ACER2: variants seen among roughly 807,000 people sequenced by gnomAD.
ACER2 encodes alkCDase 2.
A neutral mutation model predicts 34.7 loss-of-function variants in ACER2; 26 were observed. The observed-to-expected ratio is 0.75, with a 90% CI of 0.55 to 1.04. The LOEUF is 1.04. Among genes scored for constraint, ACER2 ranks in the 50% least tolerant of loss-of-function variants. The pLI, the probability that ACER2 is intolerant of heterozygous loss-of-function variation, is 0.00. For synonymous variants in ACER2, 138 were observed against 132.1 expected (o/e 1.04, Z -0.31); for missense variants, 352 against 340.8 (o/e 1.03, Z -0.26).
intron 1 of ACER2, among the ~76,000 whole-genome samples, chr9:19,413,216 C>T (rs1039533470): frequency 2.0e-5 from 3 of 152,226 alleles, no homozygotes; most frequent in Non-Finnish European, 4.4e-5. Context: ...CATGTAATTT[C>T]CTTTCACAGC....
At chr9:19,436,598 G>A (rs2132509670) in intron 4 of ACER2, among the ~76,000 whole-genome samples, 1 of 151,980 alleles carries the variant, frequency 6.6e-6, no homozygotes, top group South Asian at 2.1e-4. Context: ...TCTCGTATGA[G>A]TTAATCTGAA....
chr9:19,432,281 CT>C (rs1589051468), intron 3 of ACER2, among the ~76,000 whole-genome samples: 1 of 152,050 alleles, frequency 6.6e-6, no homozygotes, highest in African/African-American at 2.4e-5. Flanking sequence ...TTTCTTAAAA[CT>C]TTTTTTGGGT....
rs759095859 is a variant in ACER2 at position 19,409,045 on chromosome 9, TCAGCTGCGCGAG to T, written c.-32_-21del. 1 of 1,519,220 alleles carries T rather than the reference TCAGCTGCGCGAG, an allele frequency of 6.6e-7. No individual in the cohort carries two copies. The highest frequency in any genetic ancestry group is 1.2e-5 in the South Asian group (1 of 82,570). The allele number at this position is 1,519,220 out of a possible 1,614,324, so 94.1% of individuals were successfully genotyped here. A position where few individuals can be genotyped will look rare whatever the true frequency, so the allele number is the denominator to read the frequency against. ...CCTCCGCAGCAGCTCTGGGCTCTTC[TCAGCTGCGCGAG>T]CAGCTGCTCCAATGCCCCGGAGTGG... On this transcript the variant is annotated 5_prime_UTR_variant, in exon 1 of 6. Coordinates refer to ENST00000340967, the MANE Select transcript of ACER2 (RefSeq NM_001010887.3).
chr9:19,439,052 T>C (rs570186948), intron 4 of ACER2, among the ~76,000 whole-genome samples: 1 of 152,368 alleles, frequency 6.6e-6, no homozygotes, highest in South Asian at 2.1e-4. Context: ...TACTTCACAA[T>C]TGTGATCTTT....
rs1444945939 is a variant in ACER2, at chr9:19,409,159, C to T, written c.75C>T (p.Thr25=). 3 of 1,605,656 alleles carry T rather than the reference C, an allele frequency of 1.9e-6. No homozygotes were observed. The highest frequency in any genetic ancestry group is 1.1e-5 in the South Asian group (1 of 89,214). Residue 25 remains threonine (T), a synonymous_variant, in exon 1 of 6, where the codon ACC becomes ACT. Coordinates refer to ENST00000340967, the MANE Select transcript of ACER2 (RefSeq NM_001010887.3). ...SEVDWCEDNY[T]IVPAIAEFYN... ...TGGACTGGTGCGAGGACAACTACAC[C>T]ATCGTGCCTGCTATCGCCGAGTTCT...
intron 4 of ACER2, among the ~76,000 whole-genome samples, chr9:19,441,107 G>A (rs1285893041): frequency 6.6e-6 from 1 of 150,454 alleles, no homozygotes; most frequent in Non-Finnish European, 1.5e-5. Context: ...GAGTGCAGTG[G>A]CATGATCTCA....
chr9:19,448,982 T>C lies in ACER2; in HGVS notation c.642-1468T>C, dbSNP rs541714548. On this transcript the variant is annotated intron_variant, in intron 5 of 5. Coordinates refer to ENST00000340967, the MANE Select transcript of ACER2 (RefSeq NM_001010887.3). ...GGTGAAACCCCGTCTCTACTAAAAATGCAAAAAATTAGCCGGATGTGCATG... is the reference window on the plus strand; with the variant it reads ...GGTGAAACCCCGTCTCTACTAAAAACGCAAAAAATTAGCCGGATGTGCATG... 1.4e-4 allele frequency among the ~76,000 whole-genome samples: 22 copies of C among 152,182 alleles called. No individual in the cohort carries two copies. The South Asian group carries it at 4.4e-3, about 30-fold the overall frequency.
chr9:19,434,653 A>G (rs1830898568), intron 3 of ACER2, among the ~76,000 whole-genome samples: 1 of 152,228 alleles, frequency 6.6e-6, no homozygotes, highest in South Asian at 2.1e-4. Flanking sequence ...CGCGCCTGCA[A>G]TTGCAGGCAC....
intron 3 of ACER2, among the ~76,000 whole-genome samples, chr9:19,427,652 C>CTTCTCTTCTCTTCTCTTCTCTTCTCTT (rs774859323): frequency 0.04 from 3,641 of 90,656 alleles, 140 homozygotes; most frequent in African/African-American, 0.095. Context: ...TTTCTCTTCT[C>CTTCTCTTCTCTTCTCTTCTCTTCTCTT]TTCTCTTCTC....
chr9:19,434,141 C>CGG (rs1830865620), intron 3 of ACER2, among the ~76,000 whole-genome samples: 2 of 146,614 alleles, frequency 1.4e-5, no homozygotes, highest in Admixed American at 1.3e-4. Context: ...GACAGGGCGG[C>CGG]GGGGCAGAGG....
At position 19,439,776 on chromosome 9, in the gene ACER2, GC is replaced by G. The variant is rs1191314668; in HGVS notation, c.503+4694del. 3.3e-5 allele frequency among the ~76,000 whole-genome samples: 5 copies of G among 152,304 alleles called. No individual in the cohort carries two copies. The East Asian group carries it at 9.7e-4, about 29-fold the overall frequency. ...AGGTCAGGAGTTCAAGACTAGCCTG[GC>G]CAACAGGATGAAACCTCATCTCTAC... On this transcript the variant is annotated intron_variant, in intron 4 of 5. Coordinates refer to ENST00000340967, the MANE Select transcript of ACER2 (RefSeq NM_001010887.3).
chr9:19,450,885 A>T lies in ACER2; in HGVS notation c.*249A>T. The T allele has an allele frequency of 3.1e-6, 1 of 321,858 alleles. No homozygotes were observed. Among genetic ancestry groups the T allele is most frequent in the East Asian group, 5.0e-5 (1 of 20,132 alleles). The allele number at this position is 321,858 out of a possible 1,614,324, so 19.9% of individuals were successfully genotyped here. A position where few individuals can be genotyped will look rare whatever the true frequency, so the allele number is the denominator to read the frequency against. ...TTCAGTATGTTAATATTTTTGTGCC[A>T]TACTGGTTTTAAACTTTCATGTTGT... On this transcript the variant is annotated 3_prime_UTR_variant, in exon 6 of 6. Transcript: ENST00000340967.
At chr9:19,435,223 A>G in intron 4 of ACER2, 139 bp downstream of exon 4, 1 of 1,143,846 alleles carries the variant, frequency 8.7e-7, no homozygotes, top group Non-Finnish European at 1.2e-6. Flanking sequence ...GGATGGAAGC[A>G]ATTTGATGGT....
At chr9:19,450,275 C>A (rs1775494112) in intron 5 of ACER2, 175 bp from the exon 6 acceptor site, 2 of 985,264 alleles carry the variant, frequency 2.0e-6, no homozygotes. Context: ...GATTTATCAT[C>A]CTGCTATTCC....
At chr9:19,433,109 T>G (rs1830810595) in intron 3 of ACER2, among the ~76,000 whole-genome samples, 1 of 151,334 alleles carries the variant, frequency 6.6e-6, no homozygotes, top group South Asian at 2.1e-4. Context: ...TAAGGCTAAG[T>G]TTCTCGAAGT....
chr9:19,425,041 C>T (rs1344758590), intron 3 of ACER2, among the ~76,000 whole-genome samples, 200 bp downstream of exon 3: 2 of 152,188 alleles, frequency 1.3e-5, no homozygotes, highest in African/African-American at 4.8e-5. Flanking sequence ...TTTAATAATG[C>T]AGAGTGCATC....
At chr9:19,437,011 C>G (rs958349081) in intron 4 of ACER2, among the ~76,000 whole-genome samples, 5 of 152,188 alleles carry the variant, frequency 3.3e-5, no homozygotes, top group Non-Finnish European at 7.3e-5. Context: ...CTGACTGTTC[C>G]TACTCTGCTC....
chr9:19,417,772 C>G lies in ACER2; in HGVS notation c.109-6090C>G, dbSNP rs577873501. Reference sequence around the variant, plus strand: ...TGAAAACCCTAGAAGGAAACCTAGGCTATACCATTCAGGACATATGCATGG... The same window carrying G: ...TGAAAACCCTAGAAGGAAACCTAGGGTATACCATTCAGGACATATGCATGG... On this transcript the variant is annotated intron_variant, in intron 1 of 5. Coordinates refer to ENST00000340967, the MANE Select transcript of ACER2 (RefSeq NM_001010887.3). Among the ~76,000 whole-genome samples the G allele has an allele frequency of 2.0e-3, 308 of 152,268 alleles. 2 individuals carry two copies. Among genetic ancestry groups the G allele is most frequent in the African/African-American group, 6.6e-3 (273 of 41,522 alleles).
chr9:19,442,976 A>T (rs1191449580), intron 4 of ACER2, among the ~76,000 whole-genome samples: 1 of 148,716 alleles, frequency 6.7e-6, no homozygotes, highest in African/African-American at 2.5e-5. Context: ...GGGACTACAG[A>T]TGCATGCCAT....
Sources: gnomAD v4.1 joint callset for allele counts (sites outside exome capture counted in the v4.1 genomes callset) on GRCh38, gnomAD v4.1.1 for gene constraint, MANE v1.5 for transcripts, NCBI Gene and HGNC (gene_info 2026-07-23, HGNC 2026-07-21) for gene names.